Variants in MAGI1 observed in about 807,000 individuals in gnomAD.
MAGI1 encodes the protein membrane associated guanylate kinase, WW and PDZ domain containing 1, also known as membrane-associated guanylate kinase, WW and PDZ domain-containing protein 1.
A neutral mutation model predicts 139.9 loss-of-function variants in MAGI1; 58 were observed. The observed-to-expected ratio is 0.41, with a 90% confidence interval of 0.34 to 0.52. The LOEUF (loss-of-function observed/expected upper bound fraction) is 0.52. MAGI1 is among the 20% of genes least tolerant of loss of function. MAGI1 has a pLI of 0.12. For synonymous variants in MAGI1, 812 were observed against 737.9 expected, an observed-to-expected ratio of 1.10 and a Z score of -1.63; for missense variants, 1,874 against 1,901.6, an observed-to-expected ratio of 0.99 and a Z score of 0.27.
intron 2 of MAGI1, among the ~76,000 whole-genome samples, chr3:65,595,553 A>G (rs2082150858): frequency 6.6e-6 from 1 of 152,124 alleles, no homozygotes; most frequent in Admixed American, 6.5e-5. Context: ...TATCAAACAC[A>G]CATGCCCATG....
intron 1 of MAGI1, among the ~76,000 whole-genome samples, chr3:65,630,112 A>G (rs1007538550): frequency 6.6e-6 from 1 of 152,172 alleles, no homozygotes; most frequent in African/African-American, 2.4e-5. Context: ...ATACATGCAC[A>G]CTTATAATAC....
intron 9 of MAGI1, among the ~76,000 whole-genome samples, chr3:65,438,084 T>C (rs564034748): frequency 3.6e-4 from 55 of 152,218 alleles, no homozygotes; most frequent in Non-Finnish European, 5.9e-4. Flanking sequence ...CTTGTATGTT[T>C]ACTGCAGCAC....
intron 1 of MAGI1, among the ~76,000 whole-genome samples, chr3:65,843,117 T>C (rs1367191216): frequency 6.6e-6 from 1 of 152,190 alleles, no homozygotes; most frequent in Non-Finnish European, 1.5e-5. Flanking sequence ...TCAATTCTAA[T>C]AAAAAGAATT....
At chr3:65,606,599 C>A (rs1434196679) in intron 2 of MAGI1, among the ~76,000 whole-genome samples, 1 of 152,184 alleles carries the variant, frequency 6.6e-6, no homozygotes, top group Non-Finnish European at 1.5e-5. Flanking sequence ...CTCACTGCAA[C>A]CTCCACCTCC....
intron 3 of MAGI1, among the ~76,000 whole-genome samples, chr3:65,480,944 A>G (rs1000466494): frequency 1.3e-5 from 2 of 152,120 alleles, no homozygotes; most frequent in Non-Finnish European, 2.9e-5. Flanking sequence ...TGTTTTTTGA[A>G]TCATCAAAAT....
chr3:65,791,597 A>AG (rs1163612247), intron 1 of MAGI1, among the ~76,000 whole-genome samples: 2 of 152,168 alleles, frequency 1.3e-5, no homozygotes, highest in Admixed American at 1.3e-4. Context: ...ATGGGAGAGA[A>AG]GGCAGGAAGA....
At chr3:65,480,142 C>T (rs75977542) in intron 3 of MAGI1, among the ~76,000 whole-genome samples, 1,998 of 138,162 alleles carry the variant, frequency 0.014, 48 homozygotes, top group African/African-American at 0.051. Flanking sequence ...ATAACAAACA[C>T]ATTTTATTAC....
intron 1 of MAGI1, among the ~76,000 whole-genome samples, chr3:65,629,490 T>C (rs1351637123): frequency 1.3e-5 from 2 of 151,930 alleles, no homozygotes; most frequent in Non-Finnish European, 2.9e-5. Context: ...AAAAAAATGA[T>C]TATAGTTGTA....
intron 1 of MAGI1, among the ~76,000 whole-genome samples, chr3:65,923,149 T>A (rs1361896021): frequency 6.6e-6 from 1 of 152,032 alleles, no homozygotes; most frequent in Non-Finnish European, 1.5e-5. Context: ...GTAAGACCTA[T>A]ACTTGCTCTA....
chr3:65,816,298 T>C (rs1304034959), intron 1 of MAGI1, among the ~76,000 whole-genome samples: 2 of 152,164 alleles, frequency 1.3e-5, no homozygotes, highest in African/African-American at 4.8e-5. Flanking sequence ...AAAAACACTT[T>C]CAGTGATGAA....
intron 1 of MAGI1, among the ~76,000 whole-genome samples, chr3:65,928,047 A>G (rs765368758): frequency 1.3e-5 from 2 of 151,982 alleles, no homozygotes; most frequent in Non-Finnish European, 2.9e-5. Context: ...TTTTCTTAGA[A>G]TTTTCACCTC....
rs1940140981 is a variant in MAGI1, at chr3:65,355,028, G to A, written c.*1350C>T. ...GCACTGTAAGCAGCGGTTTGCTGTA[G>A]TGGTCCAACAGGTACAAGCAAACAT... On this transcript the variant is annotated 3_prime_UTR_variant, in exon 23 of 23. Transcript: ENST00000402939. 1 of 152,520 alleles carries A rather than the reference G, an allele frequency of 6.6e-6. No homozygotes were observed. The highest frequency in any genetic ancestry group is 1.5e-5 in the Non-Finnish European group (1 of 68,050). The allele number at this position is 152,520 out of a possible 1,614,324, so 9.4% of individuals were successfully genotyped here. A position where few individuals can be genotyped will look rare whatever the true frequency, so the allele number is the denominator to read the frequency against.
chr3:66,030,590 T>C (rs898559975), intron 1 of MAGI1, among the ~76,000 whole-genome samples: 8 of 152,114 alleles, frequency 5.3e-5, no homozygotes, highest in African/African-American at 1.9e-4. Flanking sequence ...AGTTATGGTT[T>C]TCAATAATGT....
chr3:65,584,235 T>C (rs962971458), intron 2 of MAGI1, among the ~76,000 whole-genome samples: 2 of 152,132 alleles, frequency 1.3e-5, no homozygotes, highest in African/African-American at 4.8e-5. Flanking sequence ...GTTGGAACAA[T>C]GGTTTTCAGG....
intron 2 of MAGI1, among the ~76,000 whole-genome samples, chr3:65,543,091 A>G (rs934938305): frequency 2.0e-5 from 3 of 152,164 alleles, no homozygotes; most frequent in African/African-American, 4.8e-5. Flanking sequence ...AAAAGTAGGC[A>G]AAGGATATGA....
chr3:65,516,174 C>T (rs1261597608), intron 2 of MAGI1, among the ~76,000 whole-genome samples: 3 of 152,110 alleles, frequency 2.0e-5, no homozygotes, highest in Non-Finnish European at 4.4e-5. Context: ...GACCCTGTCT[C>T]CCTCTCTCTC....
intron 4 of MAGI1, 82 bp from the exon 5 acceptor site, chr3:65,470,566 G>C (rs1950500742): frequency 1.2e-6 from 1 of 850,914 alleles, no homozygotes; most frequent in Admixed American, 2.1e-5. Flanking sequence ...CCATACCCGG[G>C]AAGTATGCAA....
chr3:65,835,998 G>A (rs896738598), intron 1 of MAGI1, among the ~76,000 whole-genome samples: 5 of 152,244 alleles, frequency 3.3e-5, no homozygotes, highest in South Asian at 4.2e-4. Flanking sequence ...CAAGCAAGCT[G>A]GGGGTTACCT....
intron 1 of MAGI1, among the ~76,000 whole-genome samples, chr3:65,798,618 A>G (rs1388633763): frequency 6.6e-6 from 1 of 152,128 alleles, no homozygotes; most frequent in Non-Finnish European, 1.5e-5. Context: ...CAGTCAAAAT[A>G]AATATTCCCA....
Sources: gnomAD v4.1 joint callset for allele counts (sites outside exome capture counted in the v4.1 genomes callset) on GRCh38, gnomAD v4.1.1 for gene constraint, MANE v1.5 for transcripts, NCBI Gene and HGNC (gene_info 2026-07-23, HGNC 2026-07-21) for gene names.